Variants in ADCYAP1R1 observed in about 807,000 individuals in gnomAD.
ADCYAP1R1 encodes ADCYAP receptor type I, also known as pituitary adenylate cyclase-activating polypeptide type I receptor.
Under a neutral mutation model 67.6 loss-of-function variants are expected in ADCYAP1R1, and 44 were observed. The ratio of observed to expected loss-of-function variants is 0.65; its 90% CI spans 0.51 to 0.84. The LOEUF is 0.84. Ranked by LOEUF, ADCYAP1R1 falls within the 40% of genes least tolerant of loss-of-function variation. The pLI is 0.00. For synonymous variants in ADCYAP1R1, 222 were observed against 219.6 expected, an observed-to-expected ratio of 1.01 and a Z score of -0.10; for missense variants, 477 against 587.9, an observed-to-expected ratio of 0.81 and a Z score of 1.95.
In ADCYAP1R1 at chr7:31,106,753, A is replaced by G. The variant is rs1796666574; in HGVS notation, c.*69A>G. On this transcript the variant is annotated 3_prime_UTR_variant, in exon 16 of 16. Transcript: ENST00000304166. The stretch of plus-strand genomic sequence containing the variant: ...ACCGCAGGCAGGTGCCAGCCCACGC[A>G]TGTTTGCGCCTCTTCCCTCCCCTTG... The G allele has an allele frequency of 6.8e-7, 1 of 1,475,930 alleles. No individual in the cohort carries two copies. Among genetic ancestry groups the G allele is most frequent in the Non-Finnish European group, 9.0e-7 (1 of 1,109,560 alleles). The allele number at this position is 1,475,930 out of a possible 1,614,324, so 91.4% of individuals were successfully genotyped here. A position where few individuals can be genotyped will look rare whatever the true frequency, so the allele number is the denominator to read the frequency against.
intron 3 of ADCYAP1R1, among the ~76,000 whole-genome samples, chr7:31,074,918 A>G (rs577756771): frequency 6.6e-6 from 1 of 152,332 alleles, no homozygotes; most frequent in South Asian, 2.1e-4. Context: ...GCAGGATGCT[A>G]TGGGCCAATG....
intron 3 of ADCYAP1R1, among the ~76,000 whole-genome samples, chr7:31,074,484 C>A (rs995315939): frequency 1.3e-5 from 2 of 152,236 alleles, no homozygotes; most frequent in Non-Finnish European, 2.9e-5. Flanking sequence ...CTGCAGCCCT[C>A]CTCGCCCTCA....
At chr7:31,083,534 A>G (rs74374225) in intron 6 of ADCYAP1R1, among the ~76,000 whole-genome samples, 3,195 of 152,282 alleles carry the variant, frequency 0.021, 100 homozygotes, top group African/African-American at 0.062. Flanking sequence ...ACCCAAATAT[A>G]TATCTTCGTA....
At chr7:31,054,030 T>C (rs1408284552) in intron 1 of ADCYAP1R1, among the ~76,000 whole-genome samples, 1 of 152,144 alleles carries the variant, frequency 6.6e-6, no homozygotes, top group East Asian at 1.9e-4. Flanking sequence ...GTAGCACTGG[T>C]GGAGTCCCCA....
chr7:31,108,419 A>G lies in ADCYAP1R1; in HGVS notation c.*1735A>G, dbSNP rs58500006. 0.23 allele frequency: 34,369 copies of G among 152,184 alleles called. 5,113 individuals are homozygous for G. The highest frequency in any genetic ancestry group is 0.63 in the East Asian group (3,221 of 5,136). 9.4% of individuals were successfully genotyped at this position (152,184 alleles called of 1,614,324 possible). On this transcript the variant is annotated 3_prime_UTR_variant, in exon 16 of 16. Transcript: ENST00000304166. ...GCCCTTCTACCCTGCACCTGACCTCATGATCCCCTCCACCTGCACTGGTGT... is the reference window on the plus strand; with the variant it reads ...GCCCTTCTACCCTGCACCTGACCTCGTGATCCCCTCCACCTGCACTGGTGT...
Position 31,063,186 on chromosome 7 carries a change from C to G in ADCYAP1R1, c.-71-8C>G, listed in dbSNP as rs942575942. ...CTCACAGGATTCACACCTTTCCTTC[C>G]TCTCTAGCCCAGAGACACATTGGGG... On this transcript the variant is annotated splice_polypyrimidine_tract_variant and splice_region_variant and intron_variant, in intron 1 of 15. Transcript: ENST00000304166. The G allele has an allele frequency of 4.4e-6, 7 of 1,573,856 alleles. No individual in the cohort carries two copies. Among genetic ancestry groups the G allele is most frequent in the African/African-American group, 4.0e-5 (3 of 74,132 alleles).
At chr7:31,064,798 C>T (rs201036419) in intron 2 of ADCYAP1R1, 33 bp from the exon 3 acceptor site, 28 of 1,562,570 alleles carry the variant, frequency 1.8e-5, no homozygotes, top group East Asian at 2.3e-5. Flanking sequence ...GCCTCCTACC[C>T]GCTCCCACCA....
At position 31,074,763 on chromosome 7, in the gene ADCYAP1R1, A is replaced by G. The variant is rs537282383; in HGVS notation, c.158-3228A>G. Among the ~76,000 whole-genome samples, 19 of 152,324 alleles carry G rather than the reference A, an allele frequency of 1.2e-4. No individual in the cohort carries two copies. In the South Asian group the frequency reaches 2.1e-3, roughly 17 times the overall value. ...CTAGATGTCCTCTGCTAATGGTTAC[A>G]CAGGAATTATTGATGACTGGCCTAC... On this transcript the variant is annotated intron_variant, in intron 3 of 15. Coordinates refer to ENST00000304166, the MANE Select transcript of ADCYAP1R1 (RefSeq NM_001118.5).
At chr7:31,077,111 C>T (rs556280144) in intron 3 of ADCYAP1R1, among the ~76,000 whole-genome samples, 7 of 152,322 alleles carry the variant, frequency 4.6e-5, no homozygotes, top group South Asian at 2.1e-4. Context: ...GGGATATTAC[C>T]GGTGCAGGGC....
At chr7:31,056,137 T>C (rs1287239830) in intron 1 of ADCYAP1R1, among the ~76,000 whole-genome samples, 2 of 152,122 alleles carry the variant, frequency 1.3e-5, no homozygotes, top group Admixed American at 6.5e-5. Flanking sequence ...ATGAACATGA[T>C]GAGACCTGAA....
chr7:31,074,940 G>A lies in ADCYAP1R1; in HGVS notation c.158-3051G>A, dbSNP rs138078545. On this transcript the variant is annotated intron_variant, in intron 3 of 15. Coordinates refer to ENST00000304166, the MANE Select transcript of ADCYAP1R1 (RefSeq NM_001118.5). ...GCTATGGGCCAATGTGACTGGGTGCGAACTCCAAAATAGCCGGGTGTGAAT... is the reference window on the plus strand; with the variant it reads ...GCTATGGGCCAATGTGACTGGGTGCAAACTCCAAAATAGCCGGGTGTGAAT... Among the ~76,000 whole-genome samples, 162 of 152,314 alleles carry A rather than the reference G, an allele frequency of 1.1e-3. 2 individuals are homozygous for A. In the Middle Eastern group the frequency reaches 0.024, roughly 22 times the overall value.
intron 15 of ADCYAP1R1, 65 bp from the exon 16 acceptor site, chr7:31,106,431 G>A: frequency 1.3e-6 from 2 of 1,534,794 alleles, no homozygotes; most frequent in Non-Finnish European, 1.8e-6. Context: ...CCCCAGGCCA[G>A]GACAGGGCCT....
intron 1 of ADCYAP1R1, among the ~76,000 whole-genome samples, chr7:31,057,334 G>A (rs1794294220): frequency 6.6e-6 from 1 of 152,176 alleles, no homozygotes; most frequent in African/African-American, 2.4e-5. Context: ...CAGTATGGAA[G>A]AGAACTCCTC....
In ADCYAP1R1 at chr7:31,084,787, A is replaced by G. The variant is rs1795666653; in HGVS notation, c.489A>G (p.Thr163=). 7.4e-6 allele frequency: 12 copies of G among 1,614,112 alleles called. No homozygotes were observed. Among genetic ancestry groups the G allele is most frequent in the Non-Finnish European group, 1.0e-5 (12 of 1,179,998 alleles). The change falls in exon 8 of 16, where the codon ACA becomes ACG. Residue 163 remains threonine (T), a synonymous_variant. Transcript: ENST00000304166. The part of the protein sequence containing the change: ...VKALYTVGYS[T]SLVTLTTAMV... ...CCCTCTACACGGTTGGCTACAGCAC[A>G]TCCCTCGTCACCCTCACCACTGCCA...
chr7:31,080,596 CTT>C lies in ADCYAP1R1; in HGVS notation c.266-15_266-14del. The C allele has an allele frequency of 6.2e-7, 1 of 1,612,824 alleles. No homozygotes were observed. The highest frequency in any genetic ancestry group is 8.5e-7 in the Non-Finnish European group (1 of 1,179,902). On this transcript the variant is annotated splice_polypyrimidine_tract_variant and intron_variant, in intron 4 of 15. Coordinates refer to ENST00000304166, the MANE Select transcript of ADCYAP1R1 (RefSeq NM_001118.5). ...TCACCTCTGACTTTTCTCTCTCTCTCTTTCTCTCTGTTTCAGTCTGGGAGACC... is the reference window on the plus strand; with the variant it reads ...TCACCTCTGACTTTTCTCTCTCTCTCTCTCTCTGTTTCAGTCTGGGAGACC...
Position 31,062,881 on chromosome 7 carries a change from G to A in ADCYAP1R1, c.-71-313G>A, listed in dbSNP as rs578024083. 1.6e-4 allele frequency among the ~76,000 whole-genome samples: 25 copies of A among 152,324 alleles called. No individual in the cohort carries two copies. The South Asian group carries it at 5.0e-3, about 30-fold the overall frequency. ...AAACTTTGTCACTGTGGAGGAGGGGGAAAATGCAAAGGTTTGGGGAGGCAA... is the reference window on the plus strand; with the variant it reads ...AAACTTTGTCACTGTGGAGGAGGGGAAAAATGCAAAGGTTTGGGGAGGCAA... On this transcript the variant is annotated intron_variant, in intron 1 of 15. Transcript: ENST00000304166.
At chr7:31,056,084 C>G (rs1369558804) in intron 1 of ADCYAP1R1, among the ~76,000 whole-genome samples, 5 of 152,218 alleles carry the variant, frequency 3.3e-5, no homozygotes, top group African/African-American at 4.8e-5. Flanking sequence ...CACACGGAAA[C>G]CTGGGCATGC....
chr7:31,084,348 A>G, intron 7 of ADCYAP1R1, 98 bp downstream of exon 7: 1 of 934,682 alleles, frequency 1.1e-6, no homozygotes, highest in South Asian at 1.5e-5. Context: ...GGGGCTGAGA[A>G]GCAACTGGGA....
intron 3 of ADCYAP1R1, among the ~76,000 whole-genome samples, chr7:31,077,364 T>C (rs1368012951): frequency 6.6e-6 from 1 of 150,700 alleles, no homozygotes; most frequent in African/African-American, 2.4e-5. Context: ...GTGTGTGATG[T>C]GTATGTGTCT....
Sources: allele counts gnomAD v4.1 joint callset (sites outside exome capture counted in the v4.1 genomes callset), GRCh38; gene constraint gnomAD v4.1.1; transcripts MANE v1.5; gene names NCBI Gene and HGNC (gene_info 2026-07-23, HGNC 2026-07-21).